Variants in FARP1 observed in about 807,000 individuals in gnomAD.
The protein encoded by FARP1 is FERM, ARH/RhoGEF and pleckstrin domain protein 1.
A neutral mutation model predicts 128.8 loss-of-function variants in FARP1; 52 were observed. The observed-to-expected ratio is 0.40, with a 90% CI of 0.32 to 0.51. The LOEUF (loss-of-function observed/expected upper bound fraction) is 0.51. Ranked by LOEUF, FARP1 falls within the 20% of genes least tolerant of loss-of-function variation. The probability of loss-of-function intolerance (pLI) is 0.45; values close to 1 mark genes in which losing one functional copy is unlikely to be tolerated. For missense variants in FARP1, 1,333 were observed against 1,367.9 expected (o/e 0.97, Z 0.40); for synonymous variants, 580 against 551.8 (o/e 1.05, Z -0.72).
At chr13:98,146,297 C>T (rs1328986047) in intron 1 of FARP1, among the ~76,000 whole-genome samples, 2 of 152,064 alleles carry the variant, frequency 1.3e-5, no homozygotes, top group East Asian at 1.9e-4. Context: ...GGCGCAATCT[C>T]GGCTCACTGA....
At chr13:98,249,562 C>T (rs928731183) in intron 2 of FARP1, among the ~76,000 whole-genome samples, 1 of 152,108 alleles carries the variant, frequency 6.6e-6, no homozygotes, top group Non-Finnish European at 1.5e-5. Context: ...GATATTTTGG[C>T]AGAAGTCTTG....
At chr13:98,308,559 T>C (rs1454739574) in intron 2 of FARP1, among the ~76,000 whole-genome samples, 3 of 152,126 alleles carry the variant, frequency 2.0e-5, no homozygotes, top group Admixed American at 6.6e-5. Flanking sequence ...CAGACTAGAG[T>C]GTGCTGGATT....
At chr13:98,313,669 G>A (rs1037597663) in intron 2 of FARP1, among the ~76,000 whole-genome samples, 4 of 152,156 alleles carry the variant, frequency 2.6e-5, no homozygotes, top group African/African-American at 4.8e-5. Context: ...GGCTCCCCTC[G>A]CAGCCCCAGC....
At chr13:98,188,806 G>A (rs552577567) in intron 1 of FARP1, among the ~76,000 whole-genome samples, 10 of 152,164 alleles carry the variant, frequency 6.6e-5, no homozygotes, top group African/African-American at 1.9e-4. Flanking sequence ...AGAAGTGTTC[G>A]GGGGGTGAAA....
chr13:98,275,746 T>C (rs1286584288), intron 2 of FARP1, among the ~76,000 whole-genome samples: 1 of 152,082 alleles, frequency 6.6e-6, no homozygotes, highest in African/African-American at 2.4e-5. Flanking sequence ...CTAAGCAATT[T>C]CAGGCATGAG....
chr13:98,250,505 G>A (rs1459206387), intron 2 of FARP1, among the ~76,000 whole-genome samples: 3 of 152,106 alleles, frequency 2.0e-5, no homozygotes, highest in South Asian at 4.2e-4. Context: ...GGTGGATCAC[G>A]AGGTCAAGAG....
At chr13:98,379,881 A>T (rs1442791052) in intron 6 of FARP1, among the ~76,000 whole-genome samples, 2 of 152,214 alleles carry the variant, frequency 1.3e-5, no homozygotes. Flanking sequence ...GAACCCACAG[A>T]TAGAGAGGGC....
intron 2 of FARP1, among the ~76,000 whole-genome samples, chr13:98,218,511 T>C (rs1376181978): frequency 6.6e-6 from 1 of 152,202 alleles, no homozygotes; most frequent in Non-Finnish European, 1.5e-5. Context: ...TATTTGTGAA[T>C]TCTCCAGACA....
chr13:98,325,836 A>T (rs1441519756), intron 2 of FARP1, among the ~76,000 whole-genome samples: 1 of 152,256 alleles, frequency 6.6e-6, no homozygotes, highest in Non-Finnish European at 1.5e-5. Context: ...TGTTTAAAAC[A>T]AAACAAAACC....
At position 98,361,465 on chromosome 13, in the gene FARP1, A is replaced by G. The variant is rs188391339; in HGVS notation, c.277-3930A>G. Among the ~76,000 whole-genome samples, 190 of 152,350 alleles carry G rather than the reference A, an allele frequency of 1.2e-3. 1 individual carries two copies. The highest frequency in any genetic ancestry group is 3.7e-3 in the Admixed American group (57 of 15,312). On this transcript the variant is annotated intron_variant, in intron 3 of 26. Coordinates refer to ENST00000319562, the MANE Select transcript of FARP1 (RefSeq NM_005766.4). ...TCATAAAATAGGCAACTGCACTGCCAAAGTGTCATTGATTCGTCCTGGGGA... is the reference window on the plus strand; with the variant it reads ...TCATAAAATAGGCAACTGCACTGCCGAAGTGTCATTGATTCGTCCTGGGGA...
At chr13:98,165,780 C>T (rs545312960) in intron 1 of FARP1, among the ~76,000 whole-genome samples, 4 of 118,030 alleles carry the variant, frequency 3.4e-5, no homozygotes, top group East Asian at 5.8e-4. Flanking sequence ...TACAGTGGTG[C>T]GATCTCGGGT....
intron 4 of FARP1, among the ~76,000 whole-genome samples, chr13:98,365,660 TATC>T (rs1889051560): frequency 6.6e-6 from 1 of 152,234 alleles, no homozygotes; most frequent in South Asian, 2.1e-4. Flanking sequence ...GAAAATAAAA[TATC>T]ATTTTGATTA....
intron 2 of FARP1, among the ~76,000 whole-genome samples, chr13:98,267,310 G>A (rs1299542575): frequency 2.0e-5 from 3 of 152,174 alleles, no homozygotes; most frequent in Non-Finnish European, 4.4e-5. Context: ...CTTGGCCTCT[G>A]CACCTCTGTC....
intron 2 of FARP1, among the ~76,000 whole-genome samples, chr13:98,280,314 C>T (rs1884869664): frequency 6.6e-6 from 1 of 152,232 alleles, no homozygotes; most frequent in South Asian, 2.1e-4. Flanking sequence ...AGCCCAGCCC[C>T]GAGCCCCCAC....
At chr13:98,327,479 T>A (rs781331044) in intron 2 of FARP1, among the ~76,000 whole-genome samples, 3 of 152,212 alleles carry the variant, frequency 2.0e-5, no homozygotes, top group Admixed American at 6.5e-5. Flanking sequence ...GGACTTAAAC[T>A]GAGCAAAAAA....
Position 98,177,174 on chromosome 13 carries a change from G to A in FARP1, c.-24+33682G>A, listed in dbSNP as rs767681603. The A allele has an allele frequency of 2.6e-5, 41 of 1,607,430 alleles. No individual in the cohort carries two copies. In the South Asian group the frequency reaches 4.3e-4, roughly 17 times the overall value. On this transcript the variant is annotated intron_variant, in intron 1 of 26. Coordinates refer to ENST00000319562, the MANE Select transcript of FARP1 (RefSeq NM_005766.4). ...CCCCTTTCCGTCCAGGCTTTTTGAAGAGGAAGGTGCATACCTGGTCTGCTT... is the reference window on the plus strand; with the variant it reads ...CCCCTTTCCGTCCAGGCTTTTTGAAAAGGAAGGTGCATACCTGGTCTGCTT...
In FARP1 at chr13:98,246,229, A is replaced by G. The variant is rs372646964; in HGVS notation, c.171+32816A>G. 7.5e-3 allele frequency among the ~76,000 whole-genome samples: 1,111 copies of G among 148,554 alleles called. 34 individuals carry two copies. The East Asian group carries it at 0.11, about 15-fold the overall frequency. The stretch of plus-strand genomic sequence containing the variant: ...TCCTGCCTCAGCCTCCCGAGTAGCT[A>G]GGACTACAGGCGCCCGCCACCTCGC... On this transcript the variant is annotated intron_variant, in intron 2 of 26. Transcript: ENST00000319562.
At position 98,176,932 on chromosome 13, in the gene FARP1, G is replaced by A. The variant is rs1441921845; in HGVS notation, c.-24+33440G>A. The A allele has an allele frequency of 6.2e-7, 1 of 1,603,390 alleles. No homozygotes were observed. On this transcript the variant is annotated intron_variant, in intron 1 of 26. Transcript: ENST00000319562. This position sits in a 1 kb window ranked among gnomAD's most constrained non-coding sequence, Gnocchi z 6.2. Reference sequence around the variant, plus strand: ...GGCCCCCATGTCCTCTGGCCCCACAGGCTTCGCCGAGCGGGTGGACCTGTA... The same window carrying A: ...GGCCCCCATGTCCTCTGGCCCCACAAGCTTCGCCGAGCGGGTGGACCTGTA...
At chr13:98,446,958 C>A (rs750665593) in intron 26 of FARP1, 141 bp downstream of exon 26, 1 of 832,576 alleles carries the variant, frequency 1.2e-6, no homozygotes, top group Non-Finnish European at 1.9e-6. Flanking sequence ...TCCCACTGCC[C>A]GACACCAGCA....
Sources: gnomAD v4.1 joint callset for allele counts (sites outside exome capture counted in the v4.1 genomes callset) on GRCh38, gnomAD v4.1.1 for gene constraint, Gnocchi (gnomAD v3.1) non-coding constraint, MANE v1.5 for transcripts, NCBI Gene and HGNC (gene_info 2026-07-23, HGNC 2026-07-21) for gene names.